GRIN2B: variants seen among roughly 807,000 people sequenced by gnomAD.
GRIN2B encodes glutamate ionotropic receptor NMDA type subunit 2B.
Under a neutral mutation model 114.5 loss-of-function variants are expected in GRIN2B, and 5 were observed. The observed-to-expected ratio is 0.04, with a 90% CI of 0.02 to 0.09. The LOEUF is 0.09. Among genes scored for constraint, GRIN2B ranks in the 10% least tolerant of loss-of-function variants. GRIN2B has a pLI of 1.00. For missense variants in GRIN2B, 1,108 were observed against 1,943.5 expected (o/e 0.57, Z 8.08); for synonymous variants, 787 against 745.1 (o/e 1.06, Z -0.92).
chr12:13,896,165 A>G (rs1285555566), intron 2 of GRIN2B, among the ~76,000 whole-genome samples: 1 of 152,192 alleles, frequency 6.6e-6, no homozygotes, highest in East Asian at 1.9e-4. Flanking sequence ...AGAAGGCTCT[A>G]CCAACGAGGA....
chr12:13,849,485 C>G (rs1465097130), intron 3 of GRIN2B, among the ~76,000 whole-genome samples: 1 of 152,052 alleles, frequency 6.6e-6, no homozygotes, highest in Non-Finnish European at 1.5e-5. Context: ...GACCTTATTT[C>G]CTGTTTTCAG....
chr12:13,758,623 A>G lies in GRIN2B; in HGVS notation c.412-4708T>C, dbSNP rs535986201. 5.3e-5 allele frequency among the ~76,000 whole-genome samples: 8 copies of G among 152,334 alleles called. No individual in the cohort carries two copies. The East Asian group carries it at 1.3e-3, about 26-fold the overall frequency. ...TAAGCATTCAAACAAGAGCTGGATT[A>G]TTATCTAACAGAGGGATTTTTGCCA... On this transcript the variant is annotated intron_variant, in intron 3 of 13. Coordinates refer to ENST00000609686, the MANE Select transcript of GRIN2B (RefSeq NM_000834.5).
intron 4 of GRIN2B, among the ~76,000 whole-genome samples, chr12:13,705,747 G>C (rs1319062168): frequency 6.6e-6 from 1 of 152,072 alleles, no homozygotes; most frequent in Admixed American, 6.6e-5. Flanking sequence ...AAATAATGTA[G>C]AGATACTCAA....
At chr12:13,658,136 G>A (rs1949885217) in intron 5 of GRIN2B, among the ~76,000 whole-genome samples, 1 of 151,938 alleles carries the variant, frequency 6.6e-6, no homozygotes, top group Non-Finnish European at 1.5e-5. Context: ...GAACCCGGGA[G>A]GCTGAGGTTG....
At chr12:13,864,318 T>C (rs540592477) in intron 3 of GRIN2B, among the ~76,000 whole-genome samples, 13 of 152,366 alleles carry the variant, frequency 8.5e-5, no homozygotes, top group Admixed American at 8.5e-4. Flanking sequence ...TCGGCTCAGC[T>C]GCTCCACTGC....
At position 13,542,289 on chromosome 12, in the gene GRIN2B, C is replaced by T. The variant is rs1056994034; in HGVS notation, c.*20494G>A. 1 of 151,732 alleles carries T rather than the reference C, an allele frequency of 6.6e-6. No individual in the cohort carries two copies. Among genetic ancestry groups the T allele is most frequent in the East Asian group, 1.9e-4 (1 of 5,184 alleles). 9.4% of individuals were successfully genotyped at this position (151,732 alleles called of 1,614,324 possible). A position where few individuals can be genotyped will look rare whatever the true frequency, so the allele number is the denominator to read the frequency against. On this transcript the variant is annotated 3_prime_UTR_variant, in exon 14 of 14. Transcript: ENST00000609686. ...GAACAAGGAGTAAGGTAAGTAAGAACAAATAATTATGACCCCCCCACAACG... is the reference window on the plus strand; with the variant it reads ...GAACAAGGAGTAAGGTAAGTAAGAATAAATAATTATGACCCCCCCACAACG...
intron 4 of GRIN2B, among the ~76,000 whole-genome samples, chr12:13,693,907 C>T (rs1193893933): frequency 6.6e-6 from 1 of 152,058 alleles, no homozygotes; most frequent in Non-Finnish European, 1.5e-5. Flanking sequence ...ATGAGTTAGA[C>T]CAGTTCTGGT....
At chr12:13,729,114 T>A (rs1195679985) in intron 4 of GRIN2B, among the ~76,000 whole-genome samples, 2 of 152,186 alleles carry the variant, frequency 1.3e-5, no homozygotes, top group Non-Finnish European at 2.9e-5. Flanking sequence ...CTAAGAGGGA[T>A]GTTTTATTTT....
At chr12:13,596,483 G>A (rs1021507229) in intron 10 of GRIN2B, among the ~76,000 whole-genome samples, 1 of 152,164 alleles carries the variant, frequency 6.6e-6, no homozygotes, top group African/African-American at 2.4e-5. Flanking sequence ...TCTGAGATGA[G>A]GATGGAGGGG....
chr12:13,876,781 T>C (rs1189867165), intron 2 of GRIN2B, among the ~76,000 whole-genome samples: 1 of 152,204 alleles, frequency 6.6e-6, no homozygotes, highest in Non-Finnish European at 1.5e-5. Context: ...AGGCTTTTCT[T>C]GCAAACCCTA....
At chr12:13,904,053 A>G (rs1415354106) in intron 2 of GRIN2B, among the ~76,000 whole-genome samples, 1 of 152,034 alleles carries the variant, frequency 6.6e-6, no homozygotes, top group African/African-American at 2.4e-5. Flanking sequence ...ACTCAGTACC[A>G]TTATGTTTTA....
rs1222972779 is a variant in GRIN2B at position 13,557,421 on chromosome 12, T to G, written c.*5362A>C. ...CAACTCAGCTAATTGGAAGATTAAT[T>G]AAACTGGGACAGAAACCAGACAATG... On this transcript the variant is annotated 3_prime_UTR_variant, in exon 14 of 14. Coordinates refer to ENST00000609686, the MANE Select transcript of GRIN2B (RefSeq NM_000834.5). The G allele has an allele frequency of 4.6e-5, 7 of 152,158 alleles. No individual in the cohort carries two copies. The highest frequency in any genetic ancestry group is 1.0e-4 in the Non-Finnish European group (7 of 68,022). The allele number at this position is 152,158 out of a possible 1,614,324, so 9.4% of individuals were successfully genotyped here. A position where few individuals can be genotyped will look rare whatever the true frequency, so the allele number is the denominator to read the frequency against.
intron 2 of GRIN2B, among the ~76,000 whole-genome samples, chr12:13,959,667 C>T (rs1867655845): frequency 6.6e-6 from 1 of 151,718 alleles, no homozygotes; most frequent in Non-Finnish European, 1.5e-5. Flanking sequence ...GGTGCCAGGA[C>T]AGTGTGCCAC....
intron 4 of GRIN2B, among the ~76,000 whole-genome samples, chr12:13,687,498 T>C (rs966146469): frequency 6.6e-6 from 1 of 152,166 alleles, no homozygotes; most frequent in Non-Finnish European, 1.5e-5. Context: ...TCAACAATCA[T>C]GCCAAGGTCT....
At chr12:13,973,159 A>G (rs762924128) in intron 2 of GRIN2B, among the ~76,000 whole-genome samples, 66 of 152,208 alleles carry the variant, frequency 4.3e-4, no homozygotes, top group Admixed American at 1.2e-3. Context: ...GTAACCATGT[A>G]GTGCTTTTAT....
intron 3 of GRIN2B, among the ~76,000 whole-genome samples, chr12:13,771,274 A>G (rs1318275747): frequency 1.3e-5 from 2 of 152,282 alleles, no homozygotes; most frequent in East Asian, 3.9e-4. Context: ...GCCATGTGAA[A>G]CTGTGAGTCA....
chr12:13,690,192 T>G (rs1017061498), intron 4 of GRIN2B, among the ~76,000 whole-genome samples: 4 of 152,046 alleles, frequency 2.6e-5, no homozygotes, highest in African/African-American at 9.7e-5. Context: ...TAATACTTAT[T>G]GATTTGTTTT....
At chr12:13,579,992 T>G (rs1412167998) in intron 10 of GRIN2B, among the ~76,000 whole-genome samples, 2 of 152,194 alleles carry the variant, frequency 1.3e-5, no homozygotes, top group East Asian at 3.9e-4. Flanking sequence ...TCCTCCAACC[T>G]GGTTAGCTTC....
At chr12:13,617,595 TGGAGAAA>T (rs1380438485) in intron 5 of GRIN2B, among the ~76,000 whole-genome samples, 1 of 152,248 alleles carries the variant, frequency 6.6e-6, no homozygotes, top group Non-Finnish European at 1.5e-5. Flanking sequence ...TTGAGTTTAA[TGGAGAAA>T]GAGGGAACAC....
Sources: allele counts gnomAD v4.1 joint callset (sites outside exome capture counted in the v4.1 genomes callset), GRCh38; gene constraint gnomAD v4.1.1; transcripts MANE v1.5; gene names NCBI Gene and HGNC (gene_info 2026-07-23, HGNC 2026-07-21).